FHIT: variants seen among roughly 807,000 people sequenced by gnomAD.
The protein encoded by FHIT is bis(5'-adenosyl)-triphosphatase.
A neutral mutation model predicts 17.9 loss-of-function variants in FHIT; 19 were observed. The observed-to-expected ratio is 1.06, with a 90% CI of 0.74 to 1.56. The LOEUF (loss-of-function observed/expected upper bound fraction) is 1.56. Ranked by LOEUF, FHIT falls within the 40% of genes most tolerant of loss-of-function variation. The pLI is 0.00. For synonymous variants in FHIT, 81 were observed against 69.7 expected (o/e 1.16, Z -0.81); for missense variants, 248 against 189.2 (o/e 1.31, Z -1.82).
chr3:60,795,822 A>AT (rs1321172309), intron 4 of FHIT, among the ~76,000 whole-genome samples: 7 of 151,822 alleles, frequency 4.6e-5, no homozygotes, highest in Admixed American at 3.3e-4. Context: ...TCTGCTTTCC[A>AT]TTTTTTGTTT....
At chr3:60,383,518 C>T (rs961483330) in intron 5 of FHIT, among the ~76,000 whole-genome samples, 13 of 152,078 alleles carry the variant, frequency 8.5e-5, no homozygotes, top group Non-Finnish European at 1.6e-4. Flanking sequence ...TACTTCAATG[C>T]ACTGGAAAAC....
At chr3:60,944,689 A>T (rs1708565860) in intron 3 of FHIT, among the ~76,000 whole-genome samples, 1 of 152,204 alleles carries the variant, frequency 6.6e-6, no homozygotes, top group Admixed American at 6.5e-5. Context: ...TGATGCGTTT[A>T]TATCAAATGA....
chr3:60,582,295 T>C (rs1413821855), intron 4 of FHIT, among the ~76,000 whole-genome samples: 1 of 152,086 alleles, frequency 6.6e-6, no homozygotes, highest in Non-Finnish European at 1.5e-5. Flanking sequence ...ATTAAAGGCA[T>C]GAATGTCTAA....
rs143777136 is a variant in FHIT at position 61,088,624 on chromosome 3, C to A, written c.-163-46525G>T. On this transcript the variant is annotated intron_variant, in intron 2 of 9. Transcript: ENST00000492590. ...GCTCCAACAGGAGCCAATGAAGGAA[C>A]CTTATGAGGGAGTATAAAATATTAA... 7.1e-3 allele frequency among the ~76,000 whole-genome samples: 1,085 copies of A among 152,156 alleles called. 17 individuals are homozygous for A. Among genetic ancestry groups the A allele is most frequent in the African/African-American group, 0.025 (1,038 of 41,508 alleles).
intron 5 of FHIT, among the ~76,000 whole-genome samples, chr3:60,161,853 C>T (rs1217454233): frequency 6.6e-6 from 1 of 152,146 alleles, no homozygotes; most frequent in African/African-American, 2.4e-5. Flanking sequence ...ATGGTGCCTG[C>T]TTCCTCCAGG....
intron 5 of FHIT, among the ~76,000 whole-genome samples, chr3:60,499,047 A>AAATG: frequency 6.6e-6 from 1 of 151,778 alleles, no homozygotes; most frequent in South Asian, 2.1e-4. Flanking sequence ...TAGTTCCTAT[A>AAATG]AATGCTTCAT....
intron 8 of FHIT, among the ~76,000 whole-genome samples, chr3:59,765,557 C>G (rs1198709512): frequency 1.3e-5 from 2 of 152,226 alleles, no homozygotes; most frequent in Non-Finnish European, 2.9e-5. Flanking sequence ...CTCAGACAGT[C>G]TGATCCTTCA....
rs147892145 is a variant in FHIT at position 60,614,809 on chromosome 3, G to GTTTTTTTTTTTTTTTTTTTTT, written c.-17-77831_-17-77830insAAAAAAAAAAAAAAAAAAAAA. 3.8e-5 allele frequency among the ~76,000 whole-genome samples: 3 copies of GTTTTTTTTTTTTTTTTTTTTT among 78,226 alleles called. 1 individual carries two copies. The highest frequency in any genetic ancestry group is 7.2e-5 in the Non-Finnish European group (3 of 41,872). The allele number at this position is 78,226 out of a possible 152,430, so 51.3% of individuals were successfully genotyped here. On this transcript the variant is annotated intron_variant, in intron 4 of 9. Coordinates refer to ENST00000492590, the MANE Select transcript of FHIT (RefSeq NM_002012.4). ...CGATTTGTAAAAAATTGCAAAAGTT[G>GTTTTTTTTTTTTTTTTTTTTT]TTTTTTTTTTGTTTTTTTTTTGTTT...
intron 5 of FHIT, among the ~76,000 whole-genome samples, chr3:60,453,025 A>G (rs1205246295): frequency 2.6e-5 from 4 of 152,228 alleles, no homozygotes; most frequent in African/African-American, 9.6e-5. Flanking sequence ...TTACAAGTTC[A>G]AAGTACAAAA....
chr3:61,050,754 A>G (rs2033995127), intron 2 of FHIT, among the ~76,000 whole-genome samples: 1 of 152,218 alleles, frequency 6.6e-6, no homozygotes, highest in South Asian at 2.1e-4. Flanking sequence ...TTAGTTCTAC[A>G]TTTGTGTATA....
intron 7 of FHIT, among the ~76,000 whole-genome samples, chr3:60,009,200 T>C (rs1248650643): frequency 1.8e-4 from 27 of 149,408 alleles, no homozygotes; most frequent in African/African-American, 6.4e-4. Context: ...TGTGTGTGTG[T>C]GTGTGTGTGT....
intron 5 of FHIT, among the ~76,000 whole-genome samples, chr3:60,047,481 G>A (rs1214114110): frequency 1.3e-5 from 2 of 152,168 alleles, no homozygotes; most frequent in Non-Finnish European, 2.9e-5. Context: ...CTTGTAGAAG[G>A]AGCCATTGAA....
chr3:60,868,544 A>G (rs1258691045), intron 3 of FHIT, among the ~76,000 whole-genome samples: 1 of 152,132 alleles, frequency 6.6e-6, no homozygotes, highest in African/African-American at 2.4e-5. Context: ...CCTTTCTCAT[A>G]CAATCAGAGC....
At chr3:60,957,766 C>T (rs1445986620) in intron 3 of FHIT, among the ~76,000 whole-genome samples, 3 of 152,188 alleles carry the variant, frequency 2.0e-5, no homozygotes, top group Admixed American at 6.5e-5. Flanking sequence ...TGTCCCTTTA[C>T]AAAGCACCTG....
At chr3:60,528,061 A>G (rs191645233) in intron 5 of FHIT, among the ~76,000 whole-genome samples, 5 of 152,094 alleles carry the variant, frequency 3.3e-5, no homozygotes, top group Non-Finnish European at 7.4e-5. Context: ...ATAACCTTGA[A>G]CTCCTGGGCT....
intron 2 of FHIT, among the ~76,000 whole-genome samples, chr3:61,147,865 C>T (rs1242094829): frequency 6.6e-6 from 1 of 151,860 alleles, no homozygotes; most frequent in Non-Finnish European, 1.5e-5. Flanking sequence ...CAAGTTCTTT[C>T]TAGCTACAAT....
chr3:60,762,747 C>G (rs1191930565), intron 4 of FHIT, among the ~76,000 whole-genome samples: 6 of 152,016 alleles, frequency 3.9e-5, no homozygotes, highest in Non-Finnish European at 5.9e-5. Context: ...GTGAGTGGGC[C>G]TCATTCAATT....
At chr3:59,896,548 T>C (rs1409328823) in intron 8 of FHIT, among the ~76,000 whole-genome samples, 2 of 152,200 alleles carry the variant, frequency 1.3e-5, no homozygotes, top group African/African-American at 4.8e-5. Context: ...TCTCCCTCGT[T>C]CTCTTTATGA....
At chr3:60,944,344 T>C (rs576307625) in intron 3 of FHIT, among the ~76,000 whole-genome samples, 305 of 152,148 alleles carry the variant, frequency 2.0e-3, no homozygotes, top group African/African-American at 6.4e-3. Flanking sequence ...CTTTTTTTTT[T>C]CCTCCATCAA....
Sources: gnomAD v4.1 joint callset for allele counts (sites outside exome capture counted in the v4.1 genomes callset) on GRCh38, gnomAD v4.1.1 for gene constraint, MANE v1.5 for transcripts, NCBI Gene and HGNC (gene_info 2026-07-23, HGNC 2026-07-21) for gene names.